TOPAZ1: variants seen among roughly 807,000 people sequenced by gnomAD.
The protein encoded by TOPAZ1 is protein TOPAZ1.
TOPAZ1 carries 66 observed loss-of-function variants against 172.2 expected under a neutral mutation model. That is an observed-to-expected ratio of 0.38 (90% CI 0.31 to 0.47). The LOEUF is 0.47. Among genes scored for constraint, TOPAZ1 ranks in the 20% least tolerant of loss-of-function variants. The pLI is 0.99. For missense variants in TOPAZ1, 1,822 were observed against 1,972.4 expected (o/e 0.92, Z 1.44); for synonymous variants, 681 against 683.9 (o/e 1.00, Z 0.07).
intron 5 of TOPAZ1, among the ~76,000 whole-genome samples, chr3:44,265,455 G>T (rs1412717464): frequency 6.6e-5 from 10 of 152,184 alleles, no homozygotes; most frequent in African/African-American, 1.9e-4. Flanking sequence ...TACTCAGGAA[G>T]CTGAGGCAGA....
chr3:44,243,780 A>G lies in TOPAZ1; in HGVS notation c.1274A>G (p.Lys425Arg). 1.3e-6 allele frequency: 2 copies of G among 1,551,788 alleles called. No homozygotes were observed. Among genetic ancestry groups the G allele is most frequent in the Admixed American group, 3.9e-5 (2 of 51,002 alleles). Residue 425 changes from lysine to arginine, a missense_variant, in exon 2 of 20, where the codon AAA (lysine) becomes AGA (arginine). Coordinates refer to ENST00000309765, the MANE Select transcript of TOPAZ1 (RefSeq NM_001145030.2). The stretch of plus-strand genomic sequence containing the variant: ...CAGAAAACCATTGAACCACTTTTGA[A>G]AGAAGAAACAGAGAATGCTTCAGAG... ...VFQKTIEPLL[K>R]EETENASEPL...
At chr3:44,283,735 A>G (rs1345268259) in intron 9 of TOPAZ1, among the ~76,000 whole-genome samples, 1 of 152,168 alleles carries the variant, frequency 6.6e-6, no homozygotes, top group African/African-American at 2.4e-5. Flanking sequence ...GTGTGTACAC[A>G]CACGTGTGCA....
In TOPAZ1 at chr3:44,244,265, G is replaced by T; in HGVS notation, c.1759G>T (p.Glu587Ter). The change falls in exon 2 of 20, where the codon GAA (glutamate) becomes TAA (stop). Residue 587 changes from glutamate to a stop codon, truncating the protein, a stop_gained. Coordinates refer to ENST00000309765, the MANE Select transcript of TOPAZ1 (RefSeq NM_001145030.2). LOFTEE classifies it high-confidence loss of function. ...AGAACCTACTTTAATGGTTATAAAG[G>T]AACCTATAATCAAGGATGATAAAAA... is the stretch of plus-strand genomic sequence containing the variant. ...AVEPTLMVIK[E>*]PIIKDDKKIK... 1 of 1,549,496 alleles carries T rather than the reference G, an allele frequency of 6.5e-7. No individual in the cohort carries two copies. Among genetic ancestry groups the T allele is most frequent in the South Asian group, 1.2e-5 (1 of 83,344 alleles).
chr3:44,243,063 C>A lies in TOPAZ1; in HGVS notation c.557C>A (p.Thr186Asn). ...TTAGAAAACCCACCTCTCAAAATAACCGAAAATGAGGCTACACAAAATATT... is the reference window on the plus strand; with the variant it reads ...TTAGAAAACCCACCTCTCAAAATAAACGAAAATGAGGCTACACAAAATATT... ...KSLENPPLKI[T>N]ENEATQNIKV... Residue 186 changes from threonine to asparagine, a missense_variant, in exon 2 of 20, where the codon ACC becomes AAC. Physicochemically the swap from Thr to Asn is moderately conservative, Grantham distance 65 (BLOSUM62 0). Coordinates refer to ENST00000309765, the MANE Select transcript of TOPAZ1 (RefSeq NM_001145030.2). 2 of 1,544,930 alleles carry A rather than the reference C, an allele frequency of 1.3e-6. No individual in the cohort carries two copies. Among genetic ancestry groups the A allele is most frequent in the Non-Finnish European group, 1.7e-6 (2 of 1,145,406 alleles).
chr3:44,282,545 G>T (rs1368774009), intron 9 of TOPAZ1, among the ~76,000 whole-genome samples: 2 of 152,128 alleles, frequency 1.3e-5, no homozygotes, highest in Non-Finnish European at 2.9e-5. Context: ...TCGGCCTTCA[G>T]GGCTAGGTCG....
intron 4 of TOPAZ1, among the ~76,000 whole-genome samples, chr3:44,261,801 T>C (rs901738385): frequency 1.3e-5 from 2 of 152,236 alleles, no homozygotes; most frequent in East Asian, 3.8e-4. Flanking sequence ...GGAATGTTTT[T>C]CCATTAGTTG....
intron 9 of TOPAZ1, 67 bp from the exon 10 acceptor site, chr3:44,287,322 A>G: frequency 1.1e-6 from 1 of 909,594 alleles, no homozygotes; most frequent in Non-Finnish European, 1.5e-6. Context: ...TAGAAAAATT[A>G]TCAAATTTAA....
At chr3:44,289,657 A>G (rs1438276871) in intron 11 of TOPAZ1, among the ~76,000 whole-genome samples, 1 of 152,182 alleles carries the variant, frequency 6.6e-6, no homozygotes, top group Non-Finnish European at 1.5e-5. Flanking sequence ...CTTCACTAAA[A>G]GAAATTCTAT....
chr3:44,306,542 T>TA, intron 15 of TOPAZ1, 116 bp downstream of exon 15: 1 of 561,738 alleles, frequency 1.8e-6, no homozygotes, highest in Non-Finnish European at 3.2e-6. Context: ...TTACAATTGA[T>TA]AAAGTGGGAC....
In TOPAZ1 at chr3:44,314,129, G is replaced by A. The variant is rs533338450; in HGVS notation, c.4306+4139G>A. Among the ~76,000 whole-genome samples the A allele has an allele frequency of 8.5e-5, 13 of 152,084 alleles. No individual in the cohort carries two copies. The South Asian group carries it at 2.5e-3, about 29-fold the overall frequency. The stretch of plus-strand genomic sequence containing the variant: ...TTTTTAGTAGAGATAGGGTTTCACC[G>A]TGTTAGCTAGGATGGTCTCAATCTC... On this transcript the variant is annotated intron_variant, in intron 16 of 19. Coordinates refer to ENST00000309765, the MANE Select transcript of TOPAZ1 (RefSeq NM_001145030.2).
intron 11 of TOPAZ1, 54 bp downstream of exon 11, chr3:44,287,893 T>C: frequency 1.2e-6 from 1 of 866,906 alleles, no homozygotes. Context: ...AAGAAAATAA[T>C]TGTTTCCATG....
intron 2 of TOPAZ1, among the ~76,000 whole-genome samples, chr3:44,249,667 T>C (rs1699606927): frequency 6.6e-6 from 1 of 152,192 alleles, no homozygotes; most frequent in Non-Finnish European, 1.5e-5. Flanking sequence ...TTACCTTCAT[T>C]TGCAAGTCCA....
At chr3:44,320,268 A>G (rs1327394078) in intron 16 of TOPAZ1, among the ~76,000 whole-genome samples, 1 of 121,416 alleles carries the variant, frequency 8.2e-6, no homozygotes, top group Non-Finnish European at 1.7e-5. Context: ...ACGATTTCAT[A>G]ATAGAAATTG....
chr3:44,269,678 T>C (rs1010192260), intron 7 of TOPAZ1, among the ~76,000 whole-genome samples: 2 of 151,866 alleles, frequency 1.3e-5, no homozygotes, highest in Admixed American at 6.6e-5. Context: ...TGGAGTACAA[T>C]GGCATGATCT....
At chr3:44,331,190 G>T (rs752316456) in intron 19 of TOPAZ1, among the ~76,000 whole-genome samples, 24 of 152,194 alleles carry the variant, frequency 1.6e-4, no homozygotes, top group Non-Finnish European at 3.1e-4. Flanking sequence ...AAACTGGGTT[G>T]CAGACTATTT....
At chr3:44,265,399 A>G (rs1449517866) in intron 5 of TOPAZ1, among the ~76,000 whole-genome samples, 1 of 152,172 alleles carries the variant, frequency 6.6e-6, no homozygotes, top group African/African-American at 2.4e-5. Context: ...TCTACTAAAA[A>G]TGCCATAATT....
chr3:44,278,616 CT>C (rs1266460944), intron 8 of TOPAZ1, among the ~76,000 whole-genome samples: 2 of 152,186 alleles, frequency 1.3e-5, no homozygotes, highest in Admixed American at 6.5e-5. Flanking sequence ...AGATTTTCTA[CT>C]TTTTCATGTA....
At chr3:44,274,005 C>T (rs764673267) in intron 8 of TOPAZ1, among the ~76,000 whole-genome samples, 6 of 152,074 alleles carry the variant, frequency 3.9e-5, no homozygotes, top group African/African-American at 1.2e-4. Context: ...AGAGGCCCAG[C>T]GCGGTGGCTC....
intron 12 of TOPAZ1, 25 bp from the exon 13 acceptor site, chr3:44,303,989 TA>T (rs1262741701): frequency 2.1e-6 from 3 of 1,405,950 alleles, no homozygotes; most frequent in East Asian, 5.0e-5. Context: ...GAATATAGTA[TA>T]ATTAACTCTT....
Sources: gnomAD v4.1 joint callset for allele counts (sites outside exome capture counted in the v4.1 genomes callset) on GRCh38, gnomAD v4.1.1 for gene constraint, MANE v1.5 for transcripts, NCBI Gene and HGNC (gene_info 2026-07-23, HGNC 2026-07-21) for gene names.